The following DZANK1 variants were observed in gnomAD, a reference collection of about 807,000 sequenced individuals.
DZANK1 encodes the protein double zinc ribbon and ankyrin repeat domains 1.
In DZANK1, 91 loss-of-function variants were observed where a neutral mutation model predicts 94.5. The observed-to-expected ratio is 0.96, with a 90% CI of 0.81 to 1.15. The LOEUF (loss-of-function observed/expected upper bound fraction) is 1.15. DZANK1 is among the 50% of genes most tolerant of loss of function. The pLI is 0.00. For missense variants in DZANK1, 903 were observed against 916.4 expected (o/e 0.99, Z 0.19); for synonymous variants, 312 against 325.3 (o/e 0.96, Z 0.44).
chr20:18,387,902 A>C (rs1482493245), intron 19 of DZANK1, among the ~76,000 whole-genome samples: 1 of 152,240 alleles, frequency 6.6e-6, no homozygotes, highest in Admixed American at 6.5e-5. Context: ...TTGCTAAGGA[A>C]CAACTCGCTG....
At chr20:18,433,564 C>T in intron 9 of DZANK1, 88 bp downstream of exon 9, 3 of 1,263,712 alleles carry the variant, frequency 2.4e-6, no homozygotes, top group Non-Finnish European at 3.4e-6. Context: ...AAATTGTTAC[C>T]CCATCCCACT....
chr20:18,412,803 A>C lies in DZANK1; in HGVS notation c.1275T>G (p.Val425=), dbSNP rs763489712. Residue 425 remains valine (V), a synonymous_variant, in exon 13 of 21, where the codon GTT becomes GTG. Transcript: ENST00000262547. ...GTGTTCCTATGTCCCTCTTAGTCCC[A>C]ACATCAGATCTGGGCAAAGGAATAT... The C allele has an allele frequency of 1.9e-6, 3 of 1,613,978 alleles. No individual in the cohort carries two copies. The South Asian group carries it at 3.3e-5, about 18-fold the overall frequency.
At chr20:18,458,167 T>C (rs1168883590) in intron 3 of DZANK1, among the ~76,000 whole-genome samples, 1 of 152,240 alleles carries the variant, frequency 6.6e-6, no homozygotes, top group Non-Finnish European at 1.5e-5. Context: ...TCTGGCTCAT[T>C]AGCATTTCTT....
chr20:18,459,080 T>C (rs1283298581), intron 3 of DZANK1, among the ~76,000 whole-genome samples: 2 of 152,176 alleles, frequency 1.3e-5, no homozygotes, highest in African/African-American at 4.8e-5. Flanking sequence ...AGTCAGTCAT[T>C]AAATTGCCTC....
At chr20:18,452,841 TC>T in intron 5 of DZANK1, 102 bp from the exon 6 acceptor site, 1 of 1,186,408 alleles carries the variant, frequency 8.4e-7, no homozygotes, top group East Asian at 2.6e-5. Flanking sequence ...AGAACCACTG[TC>T]ACCACATTGC....
intron 14 of DZANK1, among the ~76,000 whole-genome samples, chr20:18,397,055 G>A (rs2056383500): frequency 6.6e-6 from 1 of 152,166 alleles, no homozygotes; most frequent in African/African-American, 2.4e-5. Flanking sequence ...AGGTCTTGTG[G>A]ACCATATGTT....
At chr20:18,416,146 C>G (rs1037164000) in intron 10 of DZANK1, among the ~76,000 whole-genome samples, 4 of 152,126 alleles carry the variant, frequency 2.6e-5, no homozygotes, top group African/African-American at 9.7e-5. Context: ...GTCATTGTCC[C>G]CATCTTACAG....
intron 8 of DZANK1, among the ~76,000 whole-genome samples, chr20:18,435,426 C>A (rs1163430376): frequency 6.6e-6 from 1 of 152,096 alleles, no homozygotes; most frequent in Non-Finnish European, 1.5e-5. Context: ...CAAAAAAGAA[C>A]GAGTTCATGT....
intron 13 of DZANK1, among the ~76,000 whole-genome samples, chr20:18,412,058 C>A (rs563321100): frequency 2.0e-5 from 3 of 152,136 alleles, no homozygotes; most frequent in Non-Finnish European, 2.9e-5. Context: ...CCACTTAATA[C>A]CACCACAATA....
chr20:18,390,379 C>G, exon 18 of DZANK1: 8 of 1,613,838 alleles, frequency 5.0e-6, no homozygotes, highest in Non-Finnish European at 6.8e-6. Flanking sequence ...CAACACTTAC[C>G]TCATCCAGCA....
At chr20:18,426,223 A>G (rs2058037598) in intron 10 of DZANK1, among the ~76,000 whole-genome samples, 1 of 152,174 alleles carries the variant, frequency 6.6e-6, no homozygotes, top group Non-Finnish European at 1.5e-5. Context: ...CGAGGGATCT[A>G]GGTTGCGCGT....
chr20:18,412,826 T>C (rs1366257538), exon 13 of DZANK1: 1 of 1,613,974 alleles, frequency 6.2e-7, no homozygotes, highest in Non-Finnish European at 8.5e-7. Context: ...GGCAAAGGAA[T>C]ATTCAGGGAC....
chr20:18,399,598 C>T (rs1249819838), intron 13 of DZANK1, among the ~76,000 whole-genome samples: 7 of 152,334 alleles, frequency 4.6e-5, no homozygotes, highest in East Asian at 1.9e-4. Flanking sequence ...ATATATAAAA[C>T]ATTTCCATCA....
At chr20:18,406,268 A>G (rs1222082656) in intron 13 of DZANK1, among the ~76,000 whole-genome samples, 2 of 152,250 alleles carry the variant, frequency 1.3e-5, no homozygotes, top group African/African-American at 2.4e-5. Flanking sequence ...CAGGCAGTGC[A>G]GCTCATGGCA....
chr20:18,462,780 A>T (rs57800781), intron 2 of DZANK1, among the ~76,000 whole-genome samples: 2,216 of 152,068 alleles, frequency 0.015, 33 homozygotes, highest in African/African-American at 0.024. Flanking sequence ...CAGATTAAAA[A>T]TACAAAAATT....
At chr20:18,460,438 G>T in intron 2 of DZANK1, 132 bp from the exon 3 acceptor site, 1 of 764,254 alleles carries the variant, frequency 1.3e-6, no homozygotes, top group Non-Finnish European at 1.9e-6. Context: ...AAGATTTAAA[G>T]TTGTGACTTA....
intron 13 of DZANK1, among the ~76,000 whole-genome samples, chr20:18,402,744 T>G (rs1394029941): frequency 6.6e-6 from 1 of 152,216 alleles, no homozygotes; most frequent in Admixed American, 6.5e-5. Context: ...AGTCTCTCAC[T>G]CTGCCTCATG....
chr20:18,414,930 AT>A (rs1373498143), intron 11 of DZANK1, among the ~76,000 whole-genome samples: 1 of 152,210 alleles, frequency 6.6e-6, no homozygotes, highest in Non-Finnish European at 1.5e-5. Flanking sequence ...GATCTGAGCA[AT>A]TGCTTCTGAG....
chr20:18,395,907 C>T (rs927804693), intron 15 of DZANK1, among the ~76,000 whole-genome samples: 2 of 152,190 alleles, frequency 1.3e-5, no homozygotes, highest in African/African-American at 4.8e-5. Context: ...ATGCTTCTAT[C>T]CCAATTTCAA....
Sources: gnomAD v4.1 joint callset for allele counts (sites outside exome capture counted in the v4.1 genomes callset) on GRCh38, gnomAD v4.1.1 for gene constraint, MANE v1.5 for transcripts, NCBI Gene and HGNC (gene_info 2026-07-23, HGNC 2026-07-21) for gene names.